Variants in KCNAB1 observed in about 807,000 individuals in gnomAD.
KCNAB1 encodes the protein potassium voltage-gated channel subfamily A regulatory beta subunit 1, also known as voltage-gated potassium channel subunit beta-1.
KCNAB1 carries 35 observed loss-of-function variants against 64.6 expected under a neutral mutation model. The ratio of observed to expected loss-of-function variants is 0.54; its 90% confidence interval spans 0.41 to 0.72. The LOEUF (loss-of-function observed/expected upper bound fraction) is 0.72. Among genes scored for constraint, KCNAB1 ranks in the 30% least tolerant of loss-of-function variants. The probability of loss-of-function intolerance (pLI) is 0.00; values close to 1 mark genes in which losing one functional copy is unlikely to be tolerated. For synonymous variants in KCNAB1, 177 were observed against 183.8 expected, an observed-to-expected ratio of 0.96 and a Z score of 0.30; for missense variants, 401 against 512.9, an observed-to-expected ratio of 0.78 and a Z score of 2.11.
chr3:156,386,325 A>G (rs183807243), intron 1 of KCNAB1, among the ~76,000 whole-genome samples: 109 of 152,274 alleles, frequency 7.2e-4, no homozygotes, highest in Admixed American at 1.6e-3. Context: ...CCTCCTTGCC[A>G]TTGACAGGTG....
intron 1 of KCNAB1, among the ~76,000 whole-genome samples, chr3:156,158,342 A>G (rs1715878870): frequency 6.6e-6 from 1 of 152,090 alleles, no homozygotes; most frequent in South Asian, 2.1e-4. Flanking sequence ...ATCTAAAACC[A>G]AAACAAGTGT....
chr3:156,508,074 G>GT lies in KCNAB1; in HGVS notation c.659-6284dup, dbSNP rs571077161. Among the ~76,000 whole-genome samples the GT allele has an allele frequency of 3.9e-5, 6 of 152,110 alleles. No homozygotes were observed. Among genetic ancestry groups the GT allele is most frequent in the South Asian group, 4.1e-4 (2 of 4,822 alleles). On this transcript the variant is annotated intron_variant, in intron 8 of 13. Transcript: ENST00000490337. The surrounding 1 kb of genome is among the most constrained non-coding windows in gnomAD (Gnocchi z 4.1). ...ACTAAATAATACAATTATTTTGCAT[G>GT]TTTTTTCTCAGTATTTTGCAAGCAT...
intron 1 of KCNAB1, among the ~76,000 whole-genome samples, chr3:156,247,569 GC>G (rs1328783702): frequency 6.6e-6 from 1 of 151,802 alleles, no homozygotes; most frequent in Non-Finnish European, 1.5e-5. Flanking sequence ...GTATTTTTTT[GC>G]GGGGGAGAGG....
intron 1 of KCNAB1, among the ~76,000 whole-genome samples, chr3:156,310,341 G>A (rs1721806524): frequency 6.6e-6 from 1 of 152,184 alleles, no homozygotes; most frequent in Non-Finnish European, 1.5e-5. Context: ...GGTCAGGAGA[G>A]AGATGGGTGG....
intron 1 of KCNAB1, among the ~76,000 whole-genome samples, chr3:156,192,154 A>C (rs1713601149): frequency 6.6e-6 from 1 of 152,162 alleles, no homozygotes; most frequent in Admixed American, 6.5e-5. Flanking sequence ...GATTCAGCTT[A>C]ATAATTTTGA....
intron 8 of KCNAB1, among the ~76,000 whole-genome samples, chr3:156,507,354 A>T (rs1716892102): frequency 6.6e-6 from 1 of 152,230 alleles, no homozygotes; most frequent in Non-Finnish European, 1.5e-5. Context: ...ATGGGACCAA[A>T]AAAAAACAAT....
At chr3:156,158,164 C>CAAAA (rs1324815125) in intron 1 of KCNAB1, among the ~76,000 whole-genome samples, 4 of 42,868 alleles carry the variant, frequency 9.3e-5, no homozygotes, top group South Asian at 6.8e-4. Flanking sequence ...AACTCTGTCT[C>CAAAA]AAAAAAAAAA....
In KCNAB1 at chr3:156,378,105, C is replaced by T. The variant is rs186342141; in HGVS notation, c.276-43511C>T. Among the ~76,000 whole-genome samples, 330 of 151,970 alleles carry T rather than the reference C, an allele frequency of 2.2e-3. 2 individuals are homozygous for T. The highest frequency in any genetic ancestry group is 3.1e-3 in the Non-Finnish European group (208 of 67,952). ...TTCAGAAATGAAAAAGCAAACAAAG[C>T]GGGTGATGAGGAAAATGGATTTGCT... is the stretch of plus-strand genomic sequence containing the variant. On this transcript the variant is annotated intron_variant, in intron 1 of 13. Coordinates refer to ENST00000490337, the MANE Select transcript of KCNAB1 (RefSeq NM_172160.3).
chr3:156,182,695 A>ATTTTTTTTTTTT (rs10624040), intron 1 of KCNAB1, among the ~76,000 whole-genome samples: 11 of 132,718 alleles, frequency 8.3e-5, no homozygotes, highest in Non-Finnish European at 1.2e-4. Flanking sequence ...AAGTAAGACA[A>ATTTTTTTTTTTT]TTTTTTTTTT....
intron 1 of KCNAB1, among the ~76,000 whole-genome samples, chr3:156,279,590 A>C (rs1247846870): frequency 6.6e-6 from 1 of 151,672 alleles, no homozygotes; most frequent in African/African-American, 2.4e-5. Flanking sequence ...CCAACAGTGT[A>C]AAAGTGTTCC....
At chr3:156,244,927 AT>A (rs1288423947) in intron 1 of KCNAB1, among the ~76,000 whole-genome samples, 1 of 152,210 alleles carries the variant, frequency 6.6e-6, no homozygotes, top group African/African-American at 2.4e-5. Flanking sequence ...CCTTTGCATT[AT>A]CGCCTCTAGA....
chr3:156,190,955 A>C lies in KCNAB1; in HGVS notation c.275+70069A>C, dbSNP rs548442193. 6.6e-5 allele frequency among the ~76,000 whole-genome samples: 10 copies of C among 152,316 alleles called. No individual in the cohort carries two copies. In the South Asian group the frequency reaches 2.1e-3, roughly 32 times the overall value. On this transcript the variant is annotated intron_variant, in intron 1 of 13. Transcript: ENST00000490337. Reference sequence around the variant, plus strand: ...TGATCCACCCACCTCAGCCTCCCAAAGTGCTGGGATTACAGGCGTGAACTA... The same window carrying C: ...TGATCCACCCACCTCAGCCTCCCAACGTGCTGGGATTACAGGCGTGAACTA...
chr3:156,371,258 G>T (rs1013472193), intron 1 of KCNAB1, among the ~76,000 whole-genome samples: 13 of 152,148 alleles, frequency 8.5e-5, no homozygotes, highest in Non-Finnish European at 1.8e-4. Flanking sequence ...AGTGGGCCTA[G>T]GTTCAAATCT....
intron 1 of KCNAB1, among the ~76,000 whole-genome samples, chr3:156,409,958 C>T (rs1714526217): frequency 6.6e-6 from 1 of 152,242 alleles, no homozygotes; most frequent in Non-Finnish European, 1.5e-5. Context: ...GAAAGAGCAT[C>T]ATTAACTTCA....
intron 1 of KCNAB1, among the ~76,000 whole-genome samples, chr3:156,321,879 G>T (rs6773597): frequency 0.1 from 15,274 of 152,222 alleles, 2,453 homozygotes; most frequent in African/African-American, 0.34. Flanking sequence ...CTTAAGAGAT[G>T]CATCTTACTT....
chr3:156,171,675 G>A (rs1352866759), intron 1 of KCNAB1, among the ~76,000 whole-genome samples: 1 of 152,184 alleles, frequency 6.6e-6, no homozygotes, highest in Non-Finnish European at 1.5e-5. Flanking sequence ...GTACTGTGCT[G>A]TTCAAAGTGT....
At chr3:156,479,663 A>G (rs1714645245) in intron 8 of KCNAB1, among the ~76,000 whole-genome samples, 1 of 152,130 alleles carries the variant, frequency 6.6e-6, no homozygotes, top group South Asian at 2.1e-4. Flanking sequence ...AAACACTTGG[A>G]TTTGAGTCCT....
At chr3:156,359,956 G>A (rs941265979) in intron 1 of KCNAB1, among the ~76,000 whole-genome samples, 1 of 152,180 alleles carries the variant, frequency 6.6e-6, no homozygotes, top group Admixed American at 6.5e-5. Flanking sequence ...CTCCATTGGA[G>A]CCTCTATTTC....
chr3:156,218,786 C>CAAAAAAAAAAAAA (rs1228783831), intron 1 of KCNAB1, among the ~76,000 whole-genome samples: 1 of 92,632 alleles, frequency 1.1e-5, no homozygotes, highest in African/African-American at 4.5e-5. Flanking sequence ...CCCAGAACAG[C>CAAAAAAAAAAAAA]AAAAAAAAAA....
Sources: allele counts gnomAD v4.1 joint callset (sites outside exome capture counted in the v4.1 genomes callset), GRCh38; gene constraint gnomAD v4.1.1; non-coding constraint Gnocchi (gnomAD v3.1); transcripts MANE v1.5; gene names NCBI Gene and HGNC (gene_info 2026-07-23, HGNC 2026-07-21).